Variants in ADGRL1 observed in about 807,000 individuals in gnomAD.
ADGRL1 encodes the protein CIRL-1.
In ADGRL1, 31 loss-of-function variants were observed where a neutral mutation model predicts 148.9. The observed-to-expected ratio is 0.21, with a 90% CI of 0.16 to 0.28. ADGRL1 has a LOEUF of 0.28. Ranked by LOEUF, ADGRL1 falls within the 10% of genes least tolerant of loss-of-function variation. The pLI, the probability that ADGRL1 is intolerant of heterozygous loss-of-function variation, is 1.00. For synonymous variants in ADGRL1, 937 were observed against 900.3 expected, an observed-to-expected ratio of 1.04 and a Z score of -0.73; for missense variants, 1,521 against 2,058.8, an observed-to-expected ratio of 0.74 and a Z score of 5.05.
chr19:14,163,495 AGAGG>A (rs1306177918), intron 4 of ADGRL1, 89 bp from the exon 5 acceptor site: 67 of 861,504 alleles, frequency 7.8e-5, no homozygotes, highest in South Asian at 3.5e-4. Flanking sequence ...AGAGAGAGAG[AGAGG>A]GGGGAGAGAG....
chr19:14,171,599 G>A (rs1275249506), intron 3 of ADGRL1, among the ~76,000 whole-genome samples: 2 of 152,218 alleles, frequency 1.3e-5, no homozygotes, highest in African/African-American at 2.4e-5. Context: ...TGGTGTCTCT[G>A]CAAACTTACG....
chr19:14,155,665 C>T lies in ADGRL1; in HGVS notation c.3126-138G>A. The T allele has an allele frequency of 1.2e-6, 1 of 828,062 alleles. No individual in the cohort carries two copies. The highest frequency in any genetic ancestry group is 1.9e-6 in the Non-Finnish European group (1 of 539,876). The allele number at this position is 828,062 out of a possible 1,614,324, so 51.3% of individuals were successfully genotyped here. A position where few individuals can be genotyped will look rare whatever the true frequency, so the allele number is the denominator to read the frequency against. The stretch of plus-strand genomic sequence containing the variant: ...CAAAGCCCTGAGCGGGCCGAGTGGG[C>T]CTTGGGGGCAGTGGCCTGCCCAGGA... On this transcript the variant is annotated intron_variant, in intron 17 of 22. Transcript: ENST00000361434. This position sits in a 1 kb window ranked among gnomAD's most constrained non-coding sequence, Gnocchi z 5.0.
chr19:14,192,505 T>C (rs1568627804), intron 1 of ADGRL1, among the ~76,000 whole-genome samples: 2 of 151,710 alleles, frequency 1.3e-5, no homozygotes, highest in Admixed American at 6.6e-5. Context: ...TCTCCCAAAG[T>C]GTTGGGATTA....
At chr19:14,204,930 G>A (rs1972884048) in intron 1 of ADGRL1, among the ~76,000 whole-genome samples, 2 of 152,108 alleles carry the variant, frequency 1.3e-5, no homozygotes, top group African/African-American at 4.8e-5. Flanking sequence ...CACCCACGCA[G>A]CTGGCATGGC....
intron 1 of ADGRL1, among the ~76,000 whole-genome samples, chr19:14,203,748 TC>T (rs1390852164): frequency 1.3e-5 from 2 of 151,982 alleles, no homozygotes; most frequent in Admixed American, 6.5e-5. Flanking sequence ...GGTCCCCAGC[TC>T]CCCATCCTCC....
chr19:14,197,944 G>C (rs146049180), intron 1 of ADGRL1, among the ~76,000 whole-genome samples: 3 of 152,210 alleles, frequency 2.0e-5, no homozygotes, highest in Non-Finnish European at 2.9e-5. Context: ...TGCTTGACAG[G>C]GGGTATACAT....
Position 14,151,483 on chromosome 19 carries a change from C to T in ADGRL1, c.3800G>A (p.Arg1267Gln), listed in dbSNP as rs757527272. ...AAAGGCCGCCGCATCGGCTAGGTTC[C>T]GGCCTCGGGGCGGCTCAGGGCCCCC... ...GDGGPEPPRG[R>Q]NLADAAAFEK... Residue 1267 changes from arginine to glutamine, a missense_variant, in exon 23 of 23, where the codon CGG becomes CAG. Coordinates refer to ENST00000361434, the MANE Select transcript of ADGRL1 (RefSeq NM_014921.5). 6.2e-6 allele frequency: 10 copies of T among 1,612,052 alleles called. No homozygotes were observed. In the East Asian group the frequency reaches 6.7e-5, roughly 11 times the overall value.
At chr19:14,183,472 A>T in intron 2 of ADGRL1, 61 bp downstream of exon 2, 1 of 1,318,690 alleles carries the variant, frequency 7.6e-7, no homozygotes. Context: ...TCAACATTTT[A>T]TCTGCCCCCC....
At chr19:14,182,045 A>G (rs1171210789) in intron 2 of ADGRL1, among the ~76,000 whole-genome samples, 1 of 152,128 alleles carries the variant, frequency 6.6e-6, no homozygotes, top group Non-Finnish European at 1.5e-5. Context: ...AGAATGTAGG[A>G]GCCAGACAGA....
At chr19:14,193,286 A>AC (rs1568628795) in intron 1 of ADGRL1, among the ~76,000 whole-genome samples, 1 of 150,820 alleles carries the variant, frequency 6.6e-6, no homozygotes, top group African/African-American at 2.4e-5. Context: ...AAAAAAAAAA[A>AC]AAAAAAACTC....
chr19:14,151,801 C>T (rs964532668), intron 22 of ADGRL1, among the ~76,000 whole-genome samples, 186 bp from the exon 23 acceptor site: 14 of 152,190 alleles, frequency 9.2e-5, no homozygotes, highest in Non-Finnish European at 1.9e-4. Context: ...GACACACCAG[C>T]CCAGCAGCGT....
chr19:14,173,630 G>C (rs901926882), intron 3 of ADGRL1, among the ~76,000 whole-genome samples: 1 of 152,080 alleles, frequency 6.6e-6, no homozygotes, highest in African/African-American at 2.4e-5. Context: ...CAAACGTGGA[G>C]GCAGCCCAAA....
Position 14,150,731 on chromosome 19 carries a change from G to T in ADGRL1, c.*142C>A. On this transcript the variant is annotated 3_prime_UTR_variant, in exon 23 of 23. Transcript: ENST00000361434. Reference sequence around the variant, plus strand: ...CCCCCAGGTTAGAGTCCCCTGAGGGGACTGTAGGGCCCATGGCTGAGGGGC... The same window carrying T: ...CCCCCAGGTTAGAGTCCCCTGAGGGTACTGTAGGGCCCATGGCTGAGGGGC... 3 of 995,418 alleles carry T rather than the reference G, an allele frequency of 3.0e-6. No homozygotes were observed. The highest frequency in any genetic ancestry group is 2.6e-5 in the Admixed American group (1 of 37,912). 61.7% of individuals were successfully genotyped at this position (995,418 alleles called of 1,614,324 possible).
intron 3 of ADGRL1, among the ~76,000 whole-genome samples, chr19:14,172,137 A>G (rs1007999004): frequency 1.6e-4 from 25 of 152,126 alleles, no homozygotes; most frequent in Non-Finnish European, 1.0e-4. Context: ...AAAATAGAAC[A>G]CTGGCTGGGC....
rs1298257929 is a variant in ADGRL1, at chr19:14,148,679, C to G, written c.*2194G>C. The G allele has an allele frequency of 6.5e-6, 1 of 152,780 alleles. No homozygotes were observed. The highest frequency in any genetic ancestry group is 2.4e-5 in the African/African-American group (1 of 41,450). The allele number at this position is 152,780 out of a possible 1,614,324, so 9.5% of individuals were successfully genotyped here. Reference sequence around the variant, plus strand: ...CTTCTCCTCCCCATCTAGACTTCACCCATGGTCTTCTGGTGTAATGGGTTA... The same window carrying G: ...CTTCTCCTCCCCATCTAGACTTCACGCATGGTCTTCTGGTGTAATGGGTTA... On this transcript the variant is annotated 3_prime_UTR_variant, in exon 23 of 23. Transcript: ENST00000361434.
intron 2 of ADGRL1, among the ~76,000 whole-genome samples, chr19:14,181,870 C>G (rs1398229934): frequency 1.3e-5 from 2 of 152,170 alleles, no homozygotes; most frequent in African/African-American, 4.8e-5. Context: ...AAGCACTGAG[C>G]ATGGCACCCT....
chr19:14,174,847 T>G (rs1205993422), intron 3 of ADGRL1, among the ~76,000 whole-genome samples: 3 of 149,724 alleles, frequency 2.0e-5, no homozygotes, highest in South Asian at 2.1e-4. Flanking sequence ...GTTTTTTTTT[T>G]TTTTTTTTTT....
chr19:14,161,432 C>A lies in ADGRL1; in HGVS notation c.1390G>T (p.Ala464Ser). 2 of 1,471,864 alleles carry A rather than the reference C, an allele frequency of 1.4e-6. No individual in the cohort carries two copies. The highest frequency in any genetic ancestry group is 1.3e-5 in the South Asian group (1 of 74,176). 91.2% of individuals were successfully genotyped at this position (1,471,864 alleles called of 1,614,324 possible). A position where few individuals can be genotyped will look rare whatever the true frequency, so the allele number is the denominator to read the frequency against. ...APVPSTRRPPAPNLHVSPELF... is the reference protein window; with the variant it reads ...APVPSTRRPPSPNLHVSPELF... ...TCAGGGGACACGTGTAGATTCGGGGCTGGGGGCCGCCGGGTGCTGGGGACT... is the reference window on the plus strand; with the variant it reads ...TCAGGGGACACGTGTAGATTCGGGGATGGGGGCCGCCGGGTGCTGGGGACT... The change falls in exon 6 of 23, where the codon GCC becomes TCC. Residue 464 changes from alanine (A) to serine (S), a missense_variant. By Grantham distance (99) the Ala-to-Ser change is moderately conservative. This residue lies in a region of ADGRL1 where 270 missense variants were observed against 320.4 expected (regional missense o/e 0.84). Transcript: ENST00000361434. This position sits in a 1 kb window ranked among gnomAD's most constrained non-coding sequence, Gnocchi z 4.4.
Position 14,161,277 on chromosome 19 carries a change from C to A in ADGRL1, c.1510+35G>T, listed in dbSNP as rs772247914. On this transcript the variant is annotated intron_variant, in intron 6 of 22. Transcript: ENST00000361434. This position sits in a 1 kb window ranked among gnomAD's most constrained non-coding sequence, Gnocchi z 4.4. ...GTGCTAAGCTGCTGGGGGCATGGCCCCCATCCCTCCCCTGGCTGCAGCCTC... is the reference window on the plus strand; with the variant it reads ...GTGCTAAGCTGCTGGGGGCATGGCCACCATCCCTCCCCTGGCTGCAGCCTC... The A allele has an allele frequency of 6.6e-7, 1 of 1,513,386 alleles. No individual in the cohort carries two copies. The highest frequency in any genetic ancestry group is 8.8e-7 in the Non-Finnish European group (1 of 1,137,948). The allele number at this position is 1,513,386 out of a possible 1,614,324, so 93.7% of individuals were successfully genotyped here. A position where few individuals can be genotyped will look rare whatever the true frequency, so the allele number is the denominator to read the frequency against.
Sources: allele counts gnomAD v4.1 joint callset (sites outside exome capture counted in the v4.1 genomes callset), GRCh38; gene constraint gnomAD v4.1.1; regional missense constraint gnomAD v4.1.1; non-coding constraint Gnocchi (gnomAD v3.1); transcripts MANE v1.5; gene names NCBI Gene and HGNC (gene_info 2026-07-23, HGNC 2026-07-21).